The following ADGRA3 variants were observed in gnomAD, a reference collection of about 807,000 sequenced individuals.
The protein encoded by ADGRA3 is G-protein coupled receptor 125.
A neutral mutation model predicts 119.8 loss-of-function variants in ADGRA3; 56 were observed. That is an observed-to-expected ratio of 0.47 (90% CI 0.38 to 0.58). The LOEUF is 0.58. Among genes scored for constraint, ADGRA3 ranks in the 20% least tolerant of loss-of-function variants. The pLI, the probability that ADGRA3 is intolerant of heterozygous loss-of-function variation, is 0.00. For synonymous variants in ADGRA3, 607 were observed against 623.8 expected (o/e 0.97, Z 0.40); for missense variants, 1,516 against 1,649.0 (o/e 0.92, Z 1.40).
intron 13 of ADGRA3, 26 bp from the exon 14 acceptor site, chr4:22,413,416 T>C: frequency 2.5e-6 from 4 of 1,588,008 alleles, no homozygotes; most frequent in Non-Finnish European, 3.5e-6. Flanking sequence ...AATAAAAATA[T>C]TTCTGAAACA....
chr4:22,464,426 T>A (rs941730160), intron 2 of ADGRA3, among the ~76,000 whole-genome samples: 1 of 152,194 alleles, frequency 6.6e-6, no homozygotes, highest in Non-Finnish European at 1.5e-5. Flanking sequence ...ACAAATCCCA[T>A]CCTTCTCTCT....
intron 1 of ADGRA3, among the ~76,000 whole-genome samples, chr4:22,492,414 G>C (rs1442249235): frequency 2.6e-5 from 4 of 152,058 alleles, no homozygotes; most frequent in South Asian, 2.1e-4. Context: ...ATAGATATTG[G>C]ATATTTTTCA....
chr4:22,501,110 G>A (rs1401568309), intron 1 of ADGRA3, among the ~76,000 whole-genome samples: 1 of 152,154 alleles, frequency 6.6e-6, no homozygotes, highest in Non-Finnish European at 1.5e-5. Context: ...CCAGGCTACA[G>A]ATCATGGGAC....
At position 22,448,176 on chromosome 4, in the gene ADGRA3, C is replaced by T. The variant is rs150472933; in HGVS notation, c.474-665G>A. 3.3e-5 allele frequency among the ~76,000 whole-genome samples: 5 copies of T among 152,200 alleles called. No homozygotes were observed. In the South Asian group the frequency reaches 6.2e-4, roughly 19 times the overall value. On this transcript the variant is annotated intron_variant, in intron 4 of 18. Coordinates refer to ENST00000334304, the MANE Select transcript of ADGRA3 (RefSeq NM_145290.4). ...TTTGTTACACCCAAAACGATTTGACCGAATTATTTCTTTCATACCGGACGA... is the reference window on the plus strand; with the variant it reads ...TTTGTTACACCCAAAACGATTTGACTGAATTATTTCTTTCATACCGGACGA...
At chr4:22,444,637 C>A (rs1212564106) in intron 6 of ADGRA3, among the ~76,000 whole-genome samples, 2 of 152,020 alleles carry the variant, frequency 1.3e-5, no homozygotes, top group Non-Finnish European at 2.9e-5. Flanking sequence ...CACCCACACA[C>A]AGGATGTGGG....
In ADGRA3 at chr4:22,510,160, C is replaced by T. The variant is rs376562838; in HGVS notation, c.257+5368G>A. Among the ~76,000 whole-genome samples, 6 of 152,272 alleles carry T rather than the reference C, an allele frequency of 3.9e-5. No homozygotes were observed. The East Asian group carries it at 1.2e-3, about 30-fold the overall frequency. On this transcript the variant is annotated intron_variant, in intron 1 of 18. Coordinates refer to ENST00000334304, the MANE Select transcript of ADGRA3 (RefSeq NM_145290.4). The stretch of plus-strand genomic sequence containing the variant: ...AAGTTATTGCTATCTGGTGCACTGA[C>T]TACACATGTAGAGAATGAACTTCCC...
intron 1 of ADGRA3, among the ~76,000 whole-genome samples, chr4:22,513,140 CCT>C (rs944589535): frequency 2.1e-5 from 3 of 144,556 alleles, no homozygotes; most frequent in African/African-American, 7.5e-5. Flanking sequence ...GAACAACTTT[CCT>C]CTTTTTTTTT....
chr4:22,398,071 T>G (rs897449192), intron 16 of ADGRA3: 1 of 985,250 alleles, frequency 1.0e-6, no homozygotes, highest in South Asian at 4.7e-5. Flanking sequence ...TACACATGGA[T>G]GTAGTTGATC....
chr4:22,514,230 C>T (rs1200233854), intron 1 of ADGRA3, among the ~76,000 whole-genome samples: 1 of 149,718 alleles, frequency 6.7e-6, no homozygotes, highest in Non-Finnish European at 1.5e-5. Context: ...AGTCCCATAC[C>T]GAAAATTTCC....
At chr4:22,515,163 G>T (rs1719599670) in intron 1 of ADGRA3, 2 of 167,380 alleles carry the variant, frequency 1.2e-5, no homozygotes. Flanking sequence ...CAAGCATTGT[G>T]TTTTCTGGAA....
intron 11 of ADGRA3, among the ~76,000 whole-genome samples, chr4:22,422,587 ATC>A (rs1183833308): frequency 6.6e-6 from 1 of 151,544 alleles, no homozygotes; most frequent in African/African-American, 2.4e-5. Flanking sequence ...GTTGAAAGAA[ATC>A]TGTCATTTTG....
At position 22,420,902 on chromosome 4, in the gene ADGRA3, G is replaced by A. The variant is rs754733366; in HGVS notation, c.1793C>T (p.Ser598Leu). Residue 598 changes from serine to leucine, a missense_variant, in exon 12 of 19, where the codon TCG becomes TTG. Coordinates refer to ENST00000334304, the MANE Select transcript of ADGRA3 (RefSeq NM_145290.4). ...GTAACATACCTTTAGTGCCAGACTCGAAAATGTATTTGAAACATTGCACTT... is the reference window on the plus strand; with the variant it reads ...GTAACATACCTTTAGTGCCAGACTCAAAAATGTATTTGAAACATTGCACTT... ...SFKCNVSNTF[S>L]SLALKNTIVE... is the part of the protein sequence containing the mutation. 3.2e-5 allele frequency: 51 copies of A among 1,613,734 alleles called. No homozygotes were observed. The Admixed American group carries it at 4.7e-4, about 15-fold the overall frequency.
intron 14 of ADGRA3, among the ~76,000 whole-genome samples, chr4:22,403,409 C>T (rs1053589715): frequency 2.0e-5 from 3 of 151,796 alleles, no homozygotes; most frequent in Non-Finnish European, 2.9e-5. Flanking sequence ...AGCACAATTA[C>T]GGCAGCAGAG....
In ADGRA3 at chr4:22,389,010, G is replaced by T. The variant is rs569994838; in HGVS notation, c.2724-63C>A. On this transcript the variant is annotated intron_variant, in intron 18 of 18. Transcript: ENST00000334304. The stretch of plus-strand genomic sequence containing the variant: ...GTTTCAACAAATTATCTACGAAATT[G>T]CAATCACCTGTAATGCCTAGAAAAT... 17 of 1,596,944 alleles carry T rather than the reference G, an allele frequency of 1.1e-5. No individual in the cohort carries two copies. The African/African-American group carries it at 2.2e-4, about 20-fold the overall frequency.
At chr4:22,428,933 A>G (rs575476188) in intron 10 of ADGRA3, among the ~76,000 whole-genome samples, 2 of 152,262 alleles carry the variant, frequency 1.3e-5, no homozygotes, top group South Asian at 4.1e-4. Flanking sequence ...AATGATGAGG[A>G]TGAGGGTAAC....
chr4:22,409,775 C>T (rs1284798694), intron 14 of ADGRA3, among the ~76,000 whole-genome samples: 1 of 152,066 alleles, frequency 6.6e-6, no homozygotes, highest in Non-Finnish European at 1.5e-5. Context: ...AGTATGCAAC[C>T]TTTGTGCAAA....
At chr4:22,456,636 T>A (rs73800969) in intron 3 of ADGRA3, among the ~76,000 whole-genome samples, 2 of 152,274 alleles carry the variant, frequency 1.3e-5, no homozygotes, top group South Asian at 2.1e-4. Context: ...TGAGCTATGC[T>A]ACAGGATTCA....
chr4:22,510,039 T>C (rs1250086026), intron 1 of ADGRA3, among the ~76,000 whole-genome samples: 2 of 151,528 alleles, frequency 1.3e-5, no homozygotes, highest in African/African-American at 2.4e-5. Context: ...GAAATGACTT[T>C]CTGGGTGGGC....
chr4:22,456,576 T>G (rs2109094693), intron 3 of ADGRA3, among the ~76,000 whole-genome samples: 2 of 152,318 alleles, frequency 1.3e-5, no homozygotes, highest in Middle Eastern at 6.8e-3. Flanking sequence ...GGCCTTGGAC[T>G]GGGGACTGCA....
Sources: allele counts gnomAD v4.1 joint callset (sites outside exome capture counted in the v4.1 genomes callset), GRCh38; gene constraint gnomAD v4.1.1; transcripts MANE v1.5; gene names NCBI Gene and HGNC (gene_info 2026-07-23, HGNC 2026-07-21).